Variants in CXADR observed in about 807,000 individuals in gnomAD.
CXADR encodes CXADR cell adhesion molecule, also known as coxsackievirus and adenovirus receptor.
Under a neutral mutation model 40.3 loss-of-function variants are expected in CXADR, and 20 were observed. The ratio of observed to expected loss-of-function variants is 0.50; its 90% CI spans 0.35 to 0.72. The LOEUF (loss-of-function observed/expected upper bound fraction) is 0.72, where lower values mean the gene tolerates loss of function less well. CXADR is among the 30% of genes least tolerant of loss of function. The pLI, the probability that CXADR is intolerant of heterozygous loss-of-function variation, is 0.01. For synonymous variants in CXADR, 150 were observed against 161.3 expected, an observed-to-expected ratio of 0.93 and a Z score of 0.53; for missense variants, 332 against 449.1, an observed-to-expected ratio of 0.74 and a Z score of 2.36.
the CXADR span, chr21:17,613,489 CT>C: frequency 2.0e-5 from 3 of 152,382 alleles, no homozygotes; most frequent in South Asian, 2.1e-4. Flanking sequence ...GTTGTTGGCA[CT>C]CCTAGTTGGG....
intron 1 of CXADR, among the ~76,000 whole-genome samples, chr21:17,530,678 G>T (rs371592278): frequency 2.5e-4 from 38 of 152,228 alleles, no homozygotes; most frequent in African/African-American, 8.2e-4. Flanking sequence ...GCCGGGCGTG[G>T]TAATGCATGC....
At chr21:17,590,441 A>AGAT (rs2061427160) in intron 7 of CXADR, among the ~76,000 whole-genome samples, 1 of 152,068 alleles carries the variant, frequency 6.6e-6, no homozygotes, top group Non-Finnish European at 1.5e-5. Flanking sequence ...GGAACATAGA[A>AGAT]GATGGACTAA....
intron 1 of CXADR, among the ~76,000 whole-genome samples, chr21:17,546,658 T>G (rs1329165932): frequency 2.6e-5 from 4 of 152,282 alleles, no homozygotes; most frequent in Admixed American, 6.5e-5. Flanking sequence ...CAGTTCAACA[T>G]GAGATTTGGG....
At chr21:17,539,968 A>G (rs2060806453) in intron 1 of CXADR, among the ~76,000 whole-genome samples, 1 of 152,198 alleles carries the variant, frequency 6.6e-6, no homozygotes, top group South Asian at 2.1e-4. Context: ...CAAAATACCA[A>G]TACAAAATAC....
In CXADR at chr21:17,547,019, T is replaced by C; in HGVS notation, c.44-8T>C. ...AATGCTTAGTCCCTTGTACATTTCT[T>C]TCTCTAGATTTCGCCAGAAGTTTGA... On this transcript the variant is annotated splice_region_variant and splice_polypyrimidine_tract_variant and intron_variant, in intron 1 of 6. Coordinates refer to ENST00000284878, the MANE Select transcript of CXADR (RefSeq NM_001338.5). 1 of 1,612,172 alleles carries C rather than the reference T, an allele frequency of 6.2e-7. No individual in the cohort carries two copies. Among genetic ancestry groups the C allele is most frequent in the South Asian group, 1.1e-5 (1 of 90,974 alleles).
At chr21:17,570,136 A>G, downstream of CXADR, 1 of 985,280 alleles carries the variant, frequency 1.0e-6, no homozygotes, top group South Asian at 4.7e-5. Context: ...TGTGCCTTTT[A>G]TACAGTGTCC....
At chr21:17,535,074 G>T (rs1052172786) in intron 1 of CXADR, among the ~76,000 whole-genome samples, 3 of 151,692 alleles carry the variant, frequency 2.0e-5, no homozygotes, top group African/African-American at 4.8e-5. Context: ...GAGCCACCGC[G>T]CCCGGCCTCT....
intron 7 of CXADR, among the ~76,000 whole-genome samples, chr21:17,581,847 CA>C (rs35923110): frequency 0.93 from 133,717 of 144,118 alleles, 61,979 homozygotes; most frequent in South Asian, 0.96. Context: ...GACTCTGTCT[CA>C]AAAAAAAAAA....
At position 17,567,550 on chromosome 21, in the gene CXADR, C is replaced by G; in HGVS notation, c.*1858C>G. ...ACCTTTCTATCCTCACATTTTCAAG[C>G]TTGCCTCTTTTCTGTTCTTTGTGGA... On this transcript the variant is annotated 3_prime_UTR_variant, in exon 7 of 7. Coordinates refer to ENST00000284878, the MANE Select transcript of CXADR (RefSeq NM_001338.5). 1 of 985,292 alleles carries G rather than the reference C, an allele frequency of 1.0e-6. No homozygotes were observed. The highest frequency in any genetic ancestry group is 4.7e-5 in the South Asian group (1 of 21,290). The allele number at this position is 985,292 out of a possible 1,614,324, so 61.0% of individuals were successfully genotyped here.
chr21:17,547,129 A>AC lies in CXADR; in HGVS notation c.148dup (p.Gln50ProfsTer14). The AC allele has an allele frequency of 1.2e-6, 2 of 1,614,202 alleles. No individual in the cohort carries two copies. The highest frequency in any genetic ancestry group is 1.7e-6 in the Non-Finnish European group (2 of 1,180,042). ...TGCAAATTTACGCTTAGTCCCGAAG[A>AC]CCAGGGACCGCTGGACATCGAGTGG... On this transcript the variant is annotated frameshift_variant, in exon 2 of 7. Transcript: ENST00000284878. LOFTEE classifies it high-confidence loss of function.
chr21:17,582,142 C>G (rs1462497853), intron 7 of CXADR, among the ~76,000 whole-genome samples: 1 of 60 alleles, frequency 0.017, no homozygotes, highest in African/African-American at 0.042. Flanking sequence ...TCTAGGTCTC[C>G]CTGAATTCCT....
downstream of CXADR, among the ~76,000 whole-genome samples, chr21:17,573,674 C>T (rs541301116): frequency 2.0e-5 from 3 of 152,218 alleles, no homozygotes; most frequent in Non-Finnish European, 4.4e-5. Context: ...TTTGGGAGGC[C>T]GAGGCAAGTG....
At chr21:17,534,338 G>A (rs931405870) in intron 1 of CXADR, among the ~76,000 whole-genome samples, 1 of 151,796 alleles carries the variant, frequency 6.6e-6, no homozygotes, top group Non-Finnish European at 1.5e-5. Context: ...CTTGTGATCT[G>A]CCTGTCTCAG....
At chr21:17,596,973 G>A (rs2061512399), downstream of CXADR, among the ~76,000 whole-genome samples, 2 of 151,998 alleles carry the variant, frequency 1.3e-5, no homozygotes, top group South Asian at 2.1e-4. Context: ...CTTTTTTAAA[G>A]CTTGTGGCAA....
chr21:17,528,700 G>T (rs534210313), intron 1 of CXADR, among the ~76,000 whole-genome samples: 1 of 152,062 alleles, frequency 6.6e-6, no homozygotes, highest in Admixed American at 6.6e-5. Flanking sequence ...GAGGCAGCAC[G>T]CCCGGCCAAC....
chr21:17,565,930 T>C lies in CXADR; in HGVS notation c.*238T>C. 2 of 1,194,786 alleles carry C rather than the reference T, an allele frequency of 1.7e-6. No homozygotes were observed. Among genetic ancestry groups the C allele is most frequent in the East Asian group, 3.8e-5 (1 of 26,086 alleles). The allele number at this position is 1,194,786 out of a possible 1,614,324, so 74.0% of individuals were successfully genotyped here. On this transcript the variant is annotated 3_prime_UTR_variant, in exon 7 of 7. Transcript: ENST00000284878. ...AAAAAGCTGGATTTTCTTTAAGAGG[T>C]TGATTATAAAGTTTTCTAAATTTAT...
In CXADR at chr21:17,569,077, A is replaced by G; in HGVS notation, c.*3385A>G. 1.2e-5 allele frequency: 12 copies of G among 985,448 alleles called. No individual in the cohort carries two copies. Among genetic ancestry groups the G allele is most frequent in the Non-Finnish European group, 1.4e-5 (12 of 829,936 alleles). 61.0% of individuals were successfully genotyped at this position (985,448 alleles called of 1,614,324 possible). On this transcript the variant is annotated 3_prime_UTR_variant, in exon 7 of 7. Transcript: ENST00000284878. ...AAACCTTTTGATGAAATATAAAAGG[A>G]ACTCATTGCATGAAGTTGACTATCA...
At chr21:17,524,606 A>T (rs1215651069) in intron 1 of CXADR, among the ~76,000 whole-genome samples, 1 of 134,426 alleles carries the variant, frequency 7.4e-6, no homozygotes, top group African/African-American at 2.7e-5. Flanking sequence ...AAAAAAAGCC[A>T]GTTAGAGGCT....
chr21:17,606,358 G>A, the CXADR span, among the ~76,000 whole-genome samples: 4 of 152,038 alleles, frequency 2.6e-5, no homozygotes, highest in South Asian at 2.1e-4. Flanking sequence ...CTGTATATAC[G>A]TACCTATCTT....
Sources: gnomAD v4.1 joint callset for allele counts (sites outside exome capture counted in the v4.1 genomes callset) on GRCh38, gnomAD v4.1.1 for gene constraint, MANE v1.5 for transcripts, NCBI Gene and HGNC (gene_info 2026-07-23, HGNC 2026-07-21) for gene names.